ANKRD33B: variants seen among roughly 807,000 people sequenced by gnomAD.
The protein encoded by ANKRD33B is ankyrin repeat domain-containing protein 33B.
ANKRD33B carries 6 observed loss-of-function variants against 21.5 expected under a neutral mutation model. The ratio of observed to expected loss-of-function variants is 0.28; its 90% confidence interval spans 0.15 to 0.55. The LOEUF (loss-of-function observed/expected upper bound fraction) is 0.55, where lower values mean the gene tolerates loss of function less well. Among genes scored for constraint, ANKRD33B ranks in the 20% least tolerant of loss-of-function variants. The pLI, the probability that ANKRD33B is intolerant of heterozygous loss-of-function variation, is 0.94. For synonymous variants in ANKRD33B, 347 were observed against 342.4 expected (o/e 1.01, Z -0.15); for missense variants, 698 against 747.2 (o/e 0.93, Z 0.77).
chr5:10,650,855 G>T lies in ANKRD33B; in HGVS notation c.*742G>T, dbSNP rs948844063. The T allele has an allele frequency of 1.3e-5, 2 of 152,328 alleles. No individual in the cohort carries two copies. The highest frequency in any genetic ancestry group is 4.8e-5 in the African/African-American group (2 of 41,432). 9.4% of individuals were successfully genotyped at this position (152,328 alleles called of 1,614,324 possible). A position where few individuals can be genotyped will look rare whatever the true frequency, so the allele number is the denominator to read the frequency against. ...ATGGAGCGATAAACATGTATTTATT[G>T]CTAGAATTAAACTCATTTTAAGCAA... On this transcript the variant is annotated 3_prime_UTR_variant, in exon 4 of 4. Coordinates refer to ENST00000296657, the MANE Select transcript of ANKRD33B (RefSeq NM_001164440.2).
At chr5:10,607,382 G>A (rs1443314872) in intron 1 of ANKRD33B, among the ~76,000 whole-genome samples, 1 of 152,182 alleles carries the variant, frequency 6.6e-6, no homozygotes, top group African/African-American at 2.4e-5. Flanking sequence ...GAAAAGGGAA[G>A]GTGGCACATC....
chr5:10,576,505 A>G lies in ANKRD33B; in HGVS notation c.366+11672A>G, dbSNP rs1316207851. On this transcript the variant is annotated intron_variant, in intron 1 of 3. Transcript: ENST00000296657. This position sits in a 1 kb window ranked among gnomAD's most constrained non-coding sequence, Gnocchi z 4.1. ...TTTGTTGGTTGCATGATCCTGGACA[A>G]GTCCCATGATCTTTTGATCTTTAGT... Among the ~76,000 whole-genome samples the G allele has an allele frequency of 6.6e-6, 1 of 152,230 alleles. No individual in the cohort carries two copies. Among genetic ancestry groups the G allele is most frequent in the Non-Finnish European group, 1.5e-5 (1 of 68,038 alleles).
At chr5:10,639,042 G>A in intron 3 of ANKRD33B, among the ~76,000 whole-genome samples, 1 of 80,164 alleles carries the variant, frequency 1.2e-5, no homozygotes, top group Admixed American at 1.1e-4. Context: ...ATGTTAGCGG[G>A]TGACGCGGAG....
chr5:10,585,115 T>C (rs1735526016), intron 1 of ANKRD33B, among the ~76,000 whole-genome samples: 1 of 151,990 alleles, frequency 6.6e-6, no homozygotes, highest in East Asian at 1.9e-4. Context: ...CAGACTTGGG[T>C]AAGGAGAGCT....
intron 1 of ANKRD33B, among the ~76,000 whole-genome samples, chr5:10,610,724 T>C (rs1479852574): frequency 2.6e-5 from 4 of 152,158 alleles, no homozygotes; most frequent in Admixed American, 6.5e-5. Context: ...TTTGTGCAAA[T>C]AGTTGCAATA....
At chr5:10,633,931 G>A (rs562164537) in intron 2 of ANKRD33B, among the ~76,000 whole-genome samples, 13 of 152,126 alleles carry the variant, frequency 8.5e-5, no homozygotes, top group African/African-American at 1.2e-4. Flanking sequence ...CCCCGTTTCC[G>A]TGTAATAGTC....
At position 10,618,427 on chromosome 5, in the gene ANKRD33B, A is replaced by T; in HGVS notation, c.461A>T (p.Glu154Val). ...PHVDVNWQDSEGNTALITAAQ... is the reference protein window; with the variant it reads ...PHVDVNWQDSVGNTALITAAQ... ...GTTGACGTCAACTGGCAGGACAGCGAGGGGAACACAGCCCTAATCACAGCT... is the reference window on the plus strand; with the variant it reads ...GTTGACGTCAACTGGCAGGACAGCGTGGGGAACACAGCCCTAATCACAGCT... Residue 154 changes from glutamate to valine, a missense_variant, in exon 2 of 4, where the codon GAG becomes GTG. Physicochemically the swap from Glu to Val is moderately radical, Grantham distance 121 (BLOSUM62 -2). This residue lies in a region of ANKRD33B where 543 missense variants were observed against 566.5 expected (regional missense o/e 0.96). Transcript: ENST00000296657. The T allele has an allele frequency of 6.5e-7, 1 of 1,537,220 alleles. No individual in the cohort carries two copies. Among genetic ancestry groups the T allele is most frequent in the Non-Finnish European group, 8.7e-7 (1 of 1,146,736 alleles).
At chr5:10,570,654 A>G (rs1735161367) in intron 1 of ANKRD33B, among the ~76,000 whole-genome samples, 1 of 152,104 alleles carries the variant, frequency 6.6e-6, no homozygotes, top group Non-Finnish European at 1.5e-5. Context: ...CCTCCTGGGC[A>G]CAAATGAACC....
chr5:10,611,064 TAAAAA>T (rs1736160975), intron 1 of ANKRD33B, among the ~76,000 whole-genome samples: 2 of 151,850 alleles, frequency 1.3e-5, no homozygotes, highest in African/African-American at 4.8e-5. Flanking sequence ...AATAAATAAA[TAAAAA>T]TATATTGTTT....
chr5:10,633,347 C>T (rs1736778000), intron 2 of ANKRD33B, among the ~76,000 whole-genome samples: 3 of 152,262 alleles, frequency 2.0e-5, no homozygotes, highest in Admixed American at 2.0e-4. Context: ...GATCCACCCG[C>T]CTCGGCCTCC....
chr5:10,633,407 C>T (rs1736779720), intron 2 of ANKRD33B, among the ~76,000 whole-genome samples: 1 of 147,110 alleles, frequency 6.8e-6, no homozygotes, highest in South Asian at 2.2e-4. Flanking sequence ...CCTATCTCCT[C>T]TTTTTTTAAA....
chr5:10,655,520 C>G lies in ANKRD33B; in HGVS notation c.*5407C>G, dbSNP rs1737467311. 1 of 152,312 alleles carries G rather than the reference C, an allele frequency of 6.6e-6. No individual in the cohort carries two copies. Among genetic ancestry groups the G allele is most frequent in the South Asian group, 2.1e-4 (1 of 4,832 alleles). 9.4% of individuals were successfully genotyped at this position (152,312 alleles called of 1,614,324 possible). ...CAAGTGTGCTCTGCGGAGTGAGTCACAGCCCTGATGTGCACCCTGCACTAC... is the reference window on the plus strand; with the variant it reads ...CAAGTGTGCTCTGCGGAGTGAGTCAGAGCCCTGATGTGCACCCTGCACTAC... On this transcript the variant is annotated 3_prime_UTR_variant, in exon 4 of 4. Transcript: ENST00000296657.
chr5:10,585,974 G>A (rs1333622122), intron 1 of ANKRD33B, among the ~76,000 whole-genome samples: 1 of 152,230 alleles, frequency 6.6e-6, no homozygotes, highest in Non-Finnish European at 1.5e-5. Context: ...GCCAAGACAA[G>A]TACAAGCCAC....
chr5:10,588,315 A>G (rs779418538), intron 1 of ANKRD33B, among the ~76,000 whole-genome samples: 1 of 152,156 alleles, frequency 6.6e-6, no homozygotes, highest in East Asian at 1.9e-4. Context: ...CAGCAAATAC[A>G]TGTCGTTTTT....
intron 1 of ANKRD33B, among the ~76,000 whole-genome samples, chr5:10,597,002 G>T (rs1038451900): frequency 2.0e-5 from 3 of 152,120 alleles, no homozygotes; most frequent in Admixed American, 6.5e-5. Flanking sequence ...AATGCTGAGG[G>T]AATTTGTCAC....
Position 10,618,351 on chromosome 5 carries a change from T to C in ANKRD33B, c.385T>C (p.Cys129Arg). 6.5e-7 allele frequency: 1 copy of C among 1,537,758 alleles called. No homozygotes were observed. The highest frequency in any genetic ancestry group is 8.7e-7 in the Non-Finnish European group (1 of 1,147,058). Residue 129 changes from cysteine to arginine, a missense_variant, in exon 2 of 4, where the codon TGC becomes CGC. Cys to Arg is a radical substitution (Grantham distance 180). This residue lies in a region of ANKRD33B where 543 missense variants were observed against 566.5 expected (regional missense o/e 0.96). Coordinates refer to ENST00000296657, the MANE Select transcript of ANKRD33B (RefSeq NM_001164440.2). ...TTTCTAGACCGGCCTTATTGTCGCC[T>C]GCTACCACGGCTTTGTGGATACCGT... is the stretch of plus-strand genomic sequence containing the variant. Reference protein sequence around the residue: ...RNGRTGLIVACYHGFVDTVVA... With the variant: ...RNGRTGLIVARYHGFVDTVVA...
chr5:10,575,422 CA>C (rs397780167), intron 1 of ANKRD33B, among the ~76,000 whole-genome samples: 7,329 of 116,652 alleles, frequency 0.063, 197 homozygotes, highest in Middle Eastern at 0.13. Context: ...GAGACTGTCT[CA>C]AAAAAAAAAA....
intron 2 of ANKRD33B, among the ~76,000 whole-genome samples, chr5:10,632,048 A>C (rs967408463): frequency 6.6e-6 from 1 of 152,104 alleles, no homozygotes; most frequent in African/African-American, 2.4e-5. Flanking sequence ...AACGAGGCGC[A>C]TTGCCCTTCC....
rs1444558484 is a variant in ANKRD33B at position 10,567,477 on chromosome 5, C to T, written c.366+2644C>T. On this transcript the variant is annotated intron_variant, in intron 1 of 3. Transcript: ENST00000296657. ...CAGAGGAAGAGCGGCTAGCTGAGAC[C>T]TAGGAAACTGGGAGACGGACTGCTT... 3.3e-5 allele frequency among the ~76,000 whole-genome samples: 5 copies of T among 151,640 alleles called. No individual in the cohort carries two copies. In the East Asian group the frequency reaches 9.7e-4, roughly 29 times the overall value.
Sources: allele counts gnomAD v4.1 joint callset (sites outside exome capture counted in the v4.1 genomes callset), GRCh38; gene constraint gnomAD v4.1.1; regional missense constraint gnomAD v4.1.1; non-coding constraint Gnocchi (gnomAD v3.1); transcripts MANE v1.5; gene names NCBI Gene and HGNC (gene_info 2026-07-23, HGNC 2026-07-21).